Variants in DPY19L2 observed in about 807,000 individuals in gnomAD.
The protein encoded by DPY19L2 is dpy-19 like 2.
Under a neutral mutation model 97.9 loss-of-function variants are expected in DPY19L2, and 34 were observed. The ratio of observed to expected loss-of-function variants is 0.35; its 90% CI spans 0.26 to 0.46. The LOEUF is 0.46. Ranked by LOEUF, DPY19L2 falls within the 20% of genes least tolerant of loss-of-function variation. The probability of loss-of-function intolerance (pLI) is 1.00; values close to 1 mark genes in which losing one functional copy is unlikely to be tolerated. For missense variants in DPY19L2, 623 were observed against 911.4 expected (o/e 0.68, Z 4.07); for synonymous variants, 230 against 307.9 (o/e 0.75, Z 2.65).
chr12:63,637,560 A>G (rs1891949016), intron 6 of DPY19L2, among the ~76,000 whole-genome samples: 1 of 152,178 alleles, frequency 6.6e-6, no homozygotes, highest in Admixed American at 6.5e-5. Context: ...AATACAAACT[A>G]CCATCAGAGA....
intron 11 of DPY19L2, among the ~76,000 whole-genome samples, chr12:63,615,742 G>A (rs1363108516): frequency 2.0e-5 from 3 of 152,098 alleles, no homozygotes; most frequent in Admixed American, 6.5e-5. Context: ...AGTCATTATC[G>A]TTTTAGGGCA....
At chr12:63,603,435 G>T (rs1302956557) in intron 12 of DPY19L2, among the ~76,000 whole-genome samples, 2 of 152,092 alleles carry the variant, frequency 1.3e-5, no homozygotes, top group Admixed American at 6.6e-5. Flanking sequence ...GTAAACATGT[G>T]CCATGGTGGT....
chr12:63,641,921 T>C (rs1218316030), intron 6 of DPY19L2, among the ~76,000 whole-genome samples: 1 of 152,140 alleles, frequency 6.6e-6, no homozygotes, highest in Admixed American at 6.5e-5. Flanking sequence ...TGTCCACCTG[T>C]GGTGGATGAA....
intron 6 of DPY19L2, among the ~76,000 whole-genome samples, chr12:63,636,665 A>G (rs1891769149): frequency 6.6e-6 from 1 of 152,182 alleles, no homozygotes; most frequent in Admixed American, 6.5e-5. Context: ...CTTTAAACCA[A>G]CAAAGATAAA....
In DPY19L2 at chr12:63,624,117, C is replaced by A; in HGVS notation, c.876G>T (p.Met292Ile). 2 of 1,611,438 alleles carry A rather than the reference C, an allele frequency of 1.2e-6. No individual in the cohort carries two copies. Among genetic ancestry groups the A allele is most frequent in the South Asian group, 1.1e-5 (1 of 90,968 alleles). Residue 292 changes from methionine (M) to isoleucine (I), a missense_variant, in exon 8 of 22, where the codon ATG (methionine) becomes ATT (isoleucine). Physicochemically the swap from Met to Ile is conservative, Grantham distance 10. Coordinates refer to ENST00000324472, the MANE Select transcript of DPY19L2 (RefSeq NM_173812.5). ...AACTTTCACGGAGAGGTGGTGTCCA[C>A]ATCACACGGGTGGCCTGAAATCAAC... ...FFNHGEATRVMWTPPLRESFS... is the reference protein window; with the variant it reads ...FFNHGEATRVIWTPPLRESFS...
chr12:63,620,036 G>C (rs1230180499), intron 9 of DPY19L2: 2 of 447,308 alleles, frequency 4.5e-6, no homozygotes, highest in Admixed American at 5.0e-5. Context: ...TTCTTTGTAG[G>C]CTATTGGCAG....
chr12:63,668,484 T>G lies in DPY19L2; in HGVS notation c.-91A>C. On this transcript the variant is annotated 5_prime_UTR_variant, in exon 1 of 22. Transcript: ENST00000324472. ...GAGAGACCTGACTCGCCTGGCAGCC[T>G]CAACGGACTTGTCCCCGCAGCCGTT... 7.7e-7 allele frequency: 1 copy of G among 1,302,890 alleles called. No individual in the cohort carries two copies. The highest frequency in any genetic ancestry group is 2.5e-5 in the East Asian group (1 of 39,350). The allele number at this position is 1,302,890 out of a possible 1,614,324, so 80.7% of individuals were successfully genotyped here. A position where few individuals can be genotyped will look rare whatever the true frequency, so the allele number is the denominator to read the frequency against.
intron 15 of DPY19L2, among the ~76,000 whole-genome samples, chr12:63,594,448 TGAGA>T (rs895669484): frequency 3.4e-5 from 4 of 117,662 alleles, no homozygotes; most frequent in African/African-American, 1.0e-4. Flanking sequence ...GCTGCAGGGA[TGAGA>T]GAGAGAGAGA....
At chr12:63,634,749 T>A (rs1891360340) in intron 6 of DPY19L2, among the ~76,000 whole-genome samples, 1 of 151,824 alleles carries the variant, frequency 6.6e-6, no homozygotes, top group African/African-American at 2.4e-5. Flanking sequence ...CGTCCACCAT[T>A]ACTGAGGCTT....
At position 63,607,333 on chromosome 12, in the gene DPY19L2, GA is replaced by G. The variant is rs1348498816; in HGVS notation, c.1278+1282del. On this transcript the variant is annotated intron_variant, in intron 12 of 21. Coordinates refer to ENST00000324472, the MANE Select transcript of DPY19L2 (RefSeq NM_173812.5). ...TTAAATTGCTCAATTTTTCTGAAGT[GA>G]AAGAATTATATATTACAAGTGTAAT... Among the ~76,000 whole-genome samples the G allele has an allele frequency of 1.2e-4, 18 of 152,168 alleles. No homozygotes were observed. The South Asian group carries it at 3.5e-3, about 30-fold the overall frequency.
At chr12:63,586,720 C>T (rs1565718698) in intron 16 of DPY19L2, among the ~76,000 whole-genome samples, 1 of 152,048 alleles carries the variant, frequency 6.6e-6, no homozygotes, top group African/African-American at 2.4e-5. Context: ...GTCAGACACA[C>T]AGGAAATAAT....
intron 6 of DPY19L2, among the ~76,000 whole-genome samples, chr12:63,634,284 C>T (rs1175521537): frequency 3.3e-5 from 5 of 152,036 alleles, no homozygotes; most frequent in Non-Finnish European, 5.9e-5. Context: ...AACAGGAGTA[C>T]TAAATGATGG....
chr12:63,635,718 G>A (rs1424977532), intron 6 of DPY19L2, among the ~76,000 whole-genome samples: 13 of 152,200 alleles, frequency 8.5e-5, no homozygotes, highest in East Asian at 1.9e-4. Context: ...GAAATGAAGC[G>A]AGAGGAGAAG....
At chr12:63,634,198 A>G (rs1251377399) in intron 6 of DPY19L2, among the ~76,000 whole-genome samples, 4 of 152,164 alleles carry the variant, frequency 2.6e-5, no homozygotes, top group Admixed American at 6.5e-5. Context: ...ATGTACCCTA[A>G]ATTTTAAAGT....
intron 9 of DPY19L2, among the ~76,000 whole-genome samples, chr12:63,619,145 TA>T (rs934795323): frequency 2.7e-5 from 4 of 149,078 alleles, no homozygotes; most frequent in African/African-American, 7.3e-5. Flanking sequence ...ACAGAAGTCA[TA>T]AAAAAAAAAT....
chr12:63,607,700 T>A (rs1158122302), intron 12 of DPY19L2, among the ~76,000 whole-genome samples: 1 of 152,080 alleles, frequency 6.6e-6, no homozygotes, highest in East Asian at 1.9e-4. Flanking sequence ...TGCAATGGGG[T>A]AATCATGGCT....
intron 7 of DPY19L2, 120 bp from the exon 8 acceptor site, chr12:63,624,251 G>A (rs760880725): frequency 1.4e-6 from 1 of 710,414 alleles, no homozygotes; most frequent in Non-Finnish European, 2.5e-6. Flanking sequence ...ATTTCTGAGT[G>A]TCTGGCATAG....
chr12:63,590,461 C>T (rs538693136), intron 16 of DPY19L2, among the ~76,000 whole-genome samples: 1 of 152,116 alleles, frequency 6.6e-6, no homozygotes, highest in East Asian at 1.9e-4. Flanking sequence ...GATGTTCAAT[C>T]CTCAAAACAT....
At chr12:63,587,908 G>A in intron 16 of DPY19L2, among the ~76,000 whole-genome samples, 1 of 152,106 alleles carries the variant, frequency 6.6e-6, no homozygotes, top group Non-Finnish European at 1.5e-5. Context: ...TCTTCTAAGT[G>A]ATTTTGGATT....
Sources: gnomAD v4.1 joint callset for allele counts (sites outside exome capture counted in the v4.1 genomes callset) on GRCh38, gnomAD v4.1.1 for gene constraint, MANE v1.5 for transcripts, NCBI Gene and HGNC (gene_info 2026-07-23, HGNC 2026-07-21) for gene names.